SIK3: variants seen among roughly 807,000 people sequenced by gnomAD.
The protein encoded by SIK3 is SIK family kinase 3.
Under a neutral mutation model 144.2 loss-of-function variants are expected in SIK3, and 28 were observed. The observed-to-expected ratio is 0.19, with a 90% confidence interval of 0.14 to 0.27. The LOEUF is 0.27. SIK3 is among the 10% of genes least tolerant of loss of function. The pLI, the probability that SIK3 is intolerant of heterozygous loss-of-function variation, is 1.00. For synonymous variants in SIK3, 686 were observed against 676.3 expected, an observed-to-expected ratio of 1.01 and a Z score of -0.22; for missense variants, 1,319 against 1,776.0, an observed-to-expected ratio of 0.74 and a Z score of 4.62.
At chr11:116,906,991 C>T (rs897187684) in intron 4 of SIK3, among the ~76,000 whole-genome samples, 3 of 152,198 alleles carry the variant, frequency 2.0e-5, no homozygotes, top group Non-Finnish European at 4.4e-5. Flanking sequence ...CCATGTATCC[C>T]AGAAAGACTT....
intron 1 of SIK3, among the ~76,000 whole-genome samples, chr11:117,013,915 G>GGTGTGTGTGTGTGT (rs71037441): frequency 9.3e-4 from 22 of 23,630 alleles, no homozygotes; most frequent in African/African-American, 1.7e-3. Flanking sequence ...GGGGGGGGAG[G>GGTGTGTGTGTGTGT]GTGTGTGTGT....
intron 3 of SIK3, among the ~76,000 whole-genome samples, chr11:116,950,930 G>C (rs1008014680): frequency 6.6e-6 from 1 of 152,144 alleles, no homozygotes; most frequent in Non-Finnish European, 1.5e-5. Context: ...TTAAATGACT[G>C]GGTTTTGTTT....
intron 1 of SIK3, among the ~76,000 whole-genome samples, chr11:117,083,937 C>G (rs1317859192): frequency 6.6e-6 from 1 of 152,194 alleles, no homozygotes; most frequent in Non-Finnish European, 1.5e-5. Context: ...ATACCACTGA[C>G]TCATTACCAA....
At chr11:117,035,599 G>A (rs1031197629) in intron 1 of SIK3, among the ~76,000 whole-genome samples, 1 of 152,280 alleles carries the variant, frequency 6.6e-6, no homozygotes, top group Non-Finnish European at 1.5e-5. Flanking sequence ...TTGTCACCCA[G>A]GCTGGAATGC....
At chr11:117,059,019 AC>A (rs1334957742) in intron 1 of SIK3, among the ~76,000 whole-genome samples, 1 of 152,210 alleles carries the variant, frequency 6.6e-6, no homozygotes, top group Non-Finnish European at 1.5e-5. Context: ...AAATTGGGAG[AC>A]AATGGAGATT....
chr11:117,088,727 A>C (rs1765788191), intron 1 of SIK3, among the ~76,000 whole-genome samples: 1 of 151,826 alleles, frequency 6.6e-6, no homozygotes, highest in Non-Finnish European at 1.5e-5. Context: ...CCCAGGCTGG[A>C]GTTCAGTGGT....
At chr11:117,005,782 T>C (rs189689627) in intron 1 of SIK3, among the ~76,000 whole-genome samples, 151 of 152,236 alleles carry the variant, frequency 9.9e-4, no homozygotes, top group African/African-American at 3.3e-3. Context: ...CAAGTCAAAA[T>C]GACCCCAGGA....
Position 116,858,681 on chromosome 11 carries a change from G to A in SIK3, c.2784C>T (p.Phe928=), listed in dbSNP as rs770676812. 1 of 1,542,682 alleles carries A rather than the reference G, an allele frequency of 6.5e-7. No individual in the cohort carries two copies. The highest frequency in any genetic ancestry group is 1.4e-5 in the African/African-American group (1 of 72,816). Residue 928 remains phenylalanine, a synonymous_variant, in exon 21 of 25, where the codon TTC becomes TTT. Transcript: ENST00000445177. This position sits in a 1 kb window ranked among gnomAD's most constrained non-coding sequence, Gnocchi z 5.4. ...AEAHSLNVNR[F]SPANYDQAHL... ...GCGCCTGGTCGTAGTTAGCAGGGGA[G>A]AACCGATTCACGTTCAAGCTGCAGA...
intron 4 of SIK3, among the ~76,000 whole-genome samples, chr11:116,914,698 T>C (rs1474784250): frequency 6.6e-6 from 1 of 152,210 alleles, no homozygotes; most frequent in Admixed American, 6.5e-5. Context: ...TGGTATATTC[T>C]AGAGAAATGG....
chr11:116,972,821 CATA>C (rs754791199), intron 1 of SIK3, among the ~76,000 whole-genome samples: 17 of 152,122 alleles, frequency 1.1e-4, no homozygotes, highest in Non-Finnish European at 1.2e-4. Context: ...CACACACACA[CATA>C]ATGACAGACC....
At position 116,873,618 on chromosome 11, in the gene SIK3, G is replaced by A; in HGVS notation, c.1600C>T (p.Pro534Ser). The stretch of plus-strand genomic sequence containing the variant: ...CCATTCAACAGCTGTAGCGTGGGCG[G>A]CTGTAGGAGAGACTGCTCCTGCCAG... Reference protein sequence around the residue: ...LEYKEQSLLQPPTLQLLNGMG... With the variant: ...LEYKEQSLLQSPTLQLLNGMG... The change falls in exon 13 of 25, where the codon CCG (proline) becomes TCG (serine). Residue 534 changes from proline to serine, a missense_variant. Coordinates refer to ENST00000445177, the MANE Select transcript of SIK3 (RefSeq NM_001366686.3). 2.6e-6 allele frequency: 4 copies of A among 1,564,744 alleles called. No homozygotes were observed. Among genetic ancestry groups the A allele is most frequent in the Non-Finnish European group, 3.5e-6 (4 of 1,158,986 alleles).
At chr11:117,037,770 T>A (rs1029806597) in intron 1 of SIK3, among the ~76,000 whole-genome samples, 7 of 149,160 alleles carry the variant, frequency 4.7e-5, no homozygotes, top group Admixed American at 4.0e-4. Context: ...AAAAAAGAGA[T>A]GATAATCCAG....
intron 1 of SIK3, among the ~76,000 whole-genome samples, chr11:117,092,364 T>C (rs1449353484): frequency 1.3e-5 from 2 of 152,138 alleles, no homozygotes; most frequent in Non-Finnish European, 2.9e-5. Flanking sequence ...CTTCCAAATC[T>C]TCCCAGGTTG....
Position 116,870,374 on chromosome 11 carries a change from C to A in SIK3, c.1765G>T (p.Glu589Ter), listed in dbSNP as rs772387712. ...PAVPAVTPVDEESSDGEPDQE... is the reference protein window; with the variant it reads ...PAVPAVTPVD The stretch of plus-strand genomic sequence containing the variant: ...TCTGGCTCCCCGTCTGAGCTCTCCT[C>A]GTCCACAGGGGTAACTGCTGGCACT... The change falls in exon 14 of 25, where the codon GAG becomes TAG. Residue 589 changes from glutamate (E) to a stop codon, truncating the protein, a stop_gained. Transcript: ENST00000445177. LOFTEE classifies it high-confidence loss of function. 14 of 1,612,444 alleles carry A rather than the reference C, an allele frequency of 8.7e-6. No homozygotes were observed. Among genetic ancestry groups the A allele is most frequent in the East Asian group, 2.2e-5 (1 of 44,886 alleles).
intron 1 of SIK3, among the ~76,000 whole-genome samples, chr11:117,021,388 C>A (rs1048337119): frequency 1.3e-5 from 2 of 152,080 alleles, no homozygotes; most frequent in Non-Finnish European, 2.9e-5. Context: ...TTGGTCAGAG[C>A]ACATTGTCAG....
chr11:116,871,172 T>G (rs146074076), intron 13 of SIK3, among the ~76,000 whole-genome samples: 1 of 152,356 alleles, frequency 6.6e-6, no homozygotes, highest in African/African-American at 2.4e-5. Flanking sequence ...CTTTCCCATC[T>G]GCATCCTTGC....
intron 3 of SIK3, among the ~76,000 whole-genome samples, chr11:116,942,698 T>C (rs189869495): frequency 8.5e-5 from 13 of 152,208 alleles, no homozygotes; most frequent in African/African-American, 2.9e-4. Flanking sequence ...AAATGGAATA[T>C]ATGGTCTTAA....
At chr11:117,032,899 C>T (rs903144638) in intron 1 of SIK3, among the ~76,000 whole-genome samples, 1 of 151,854 alleles carries the variant, frequency 6.6e-6, no homozygotes, top group African/African-American at 2.4e-5. Context: ...AAATATCTTA[C>T]CATAAATATT....
At chr11:116,941,796 G>T (rs181148098) in intron 3 of SIK3, among the ~76,000 whole-genome samples, 13 of 152,262 alleles carry the variant, frequency 8.5e-5, no homozygotes, top group East Asian at 3.9e-4. Flanking sequence ...TAAAGTGCTG[G>T]ATTTATGACT....
Sources: gnomAD v4.1 joint callset for allele counts (sites outside exome capture counted in the v4.1 genomes callset) on GRCh38, gnomAD v4.1.1 for gene constraint, Gnocchi (gnomAD v3.1) non-coding constraint, MANE v1.5 for transcripts, NCBI Gene and HGNC (gene_info 2026-07-23, HGNC 2026-07-21) for gene names.